Variants in SNTG1 observed in about 807,000 individuals in gnomAD.
SNTG1 encodes gamma-1-syntrophin.
In SNTG1, 39 loss-of-function variants were observed where a neutral mutation model predicts 74.7. That is an observed-to-expected ratio of 0.52 (90% CI 0.40 to 0.68). The LOEUF (loss-of-function observed/expected upper bound fraction) is 0.68. SNTG1 is among the 30% of genes least tolerant of loss of function. The probability of loss-of-function intolerance (pLI) is 0.00; values close to 1 mark genes in which losing one functional copy is unlikely to be tolerated. For synonymous variants in SNTG1, 254 were observed against 217.1 expected (o/e 1.17, Z -1.49); for missense variants, 685 against 609.5 (o/e 1.12, Z -1.30).
At chr8:50,307,368 C>T (rs2089943462) in intron 2 of SNTG1, among the ~76,000 whole-genome samples, 1 of 151,720 alleles carries the variant, frequency 6.6e-6, no homozygotes, top group Non-Finnish European at 1.5e-5. Flanking sequence ...GTATATATTT[C>T]ATTATTATTA....
chr8:50,361,089 A>G (rs952968875), intron 2 of SNTG1, among the ~76,000 whole-genome samples: 1 of 152,154 alleles, frequency 6.6e-6, no homozygotes, highest in East Asian at 1.9e-4. Flanking sequence ...TTTCTTTCAT[A>G]TATCCTTGTT....
At chr8:50,618,413 T>C (rs1358893156) in intron 13 of SNTG1, among the ~76,000 whole-genome samples, 1 of 152,226 alleles carries the variant, frequency 6.6e-6, no homozygotes, top group Non-Finnish European at 1.5e-5. Context: ...TTCTACCATA[T>C]ACTACATTTA....
chr8:50,707,876 C>T, intron 16 of SNTG1: 1 of 390,908 alleles, frequency 2.6e-6, no homozygotes, highest in Non-Finnish European at 4.5e-6. Flanking sequence ...GATTTATATC[C>T]TGTTTTCTTT....
intron 4 of SNTG1, among the ~76,000 whole-genome samples, chr8:50,431,697 G>A (rs1455044012): frequency 6.6e-6 from 1 of 152,122 alleles, no homozygotes; most frequent in Non-Finnish European, 1.5e-5. Context: ...ATTTGGTATT[G>A]TCAGTGTTTT....
rs1441331545 is a variant in SNTG1, at chr8:50,123,948, G to A, written c.-102-48613G>A. 9.9e-5 allele frequency among the ~76,000 whole-genome samples: 14 copies of A among 142,050 alleles called. 1 individual carries two copies. The highest frequency in any genetic ancestry group is 3.6e-4 in the African/African-American group (14 of 39,196). The allele number at this position is 142,050 out of a possible 152,430, so 93.2% of individuals were successfully genotyped here. On this transcript the variant is annotated intron_variant, in intron 1 of 18. Coordinates refer to ENST00000642720, the MANE Select transcript of SNTG1 (RefSeq NM_018967.5). ...AACAAAATTGAATATAAATAATATA[G>A]GGTTTTCAGTGTCTTTTTCTTATTA...
chr8:50,089,427 G>A (rs943236482), intron 1 of SNTG1, among the ~76,000 whole-genome samples: 6 of 150,342 alleles, frequency 4.0e-5, no homozygotes, highest in Non-Finnish European at 7.4e-5. Context: ...AAACTAAAGA[G>A]CTTCTGCATA....
At chr8:50,012,320 T>A (rs1815892838) in intron 1 of SNTG1, among the ~76,000 whole-genome samples, 2 of 152,204 alleles carry the variant, frequency 1.3e-5, no homozygotes, top group Middle Eastern at 3.4e-3. Context: ...ATATCGGGGC[T>A]GTTGTATGTT....
chr8:50,014,346 C>T (rs577292778), intron 1 of SNTG1, among the ~76,000 whole-genome samples: 7 of 152,194 alleles, frequency 4.6e-5, no homozygotes, highest in Admixed American at 2.0e-4. Flanking sequence ...CACATTATTA[C>T]AGAAACAATA....
intron 12 of SNTG1, chr8:50,569,138 T>A (rs1194089356): frequency 6.6e-6 from 1 of 152,208 alleles, no homozygotes; most frequent in Non-Finnish European, 1.5e-5. Context: ...AACTTTCCTA[T>A]CCTCTGTAGT....
chr8:49,949,192 C>A (rs547317292), intron 1 of SNTG1, among the ~76,000 whole-genome samples: 22 of 152,256 alleles, frequency 1.4e-4, no homozygotes, highest in African/African-American at 5.1e-4. Flanking sequence ...GGTGAAGAGA[C>A]CAGTGGGGAT....
chr8:50,690,566 G>A (rs527315056), intron 15 of SNTG1, among the ~76,000 whole-genome samples: 4 of 152,168 alleles, frequency 2.6e-5, no homozygotes. Context: ...TTTTGAGTGA[G>A]TTTCTTAATC....
intron 1 of SNTG1, among the ~76,000 whole-genome samples, chr8:50,157,875 T>C (rs2082301709): frequency 6.6e-6 from 1 of 152,170 alleles, no homozygotes; most frequent in African/African-American, 2.4e-5. Flanking sequence ...CAAACCTAGA[T>C]GGAAGTTAAC....
chr8:50,441,998 A>G (rs2093361953), intron 5 of SNTG1, among the ~76,000 whole-genome samples: 1 of 152,310 alleles, frequency 6.6e-6, no homozygotes, highest in Non-Finnish European at 1.5e-5. Flanking sequence ...AAAAAAAGCA[A>G]AAGTAAAGCC....
chr8:50,758,826 G>A (rs756446023), intron 18 of SNTG1, among the ~76,000 whole-genome samples: 50 of 152,032 alleles, frequency 3.3e-4, no homozygotes, highest in Non-Finnish European at 3.4e-4. Flanking sequence ...ATAACCCTTT[G>A]GGTATATACT....
intron 13 of SNTG1, among the ~76,000 whole-genome samples, chr8:50,629,104 G>T (rs1387053660): frequency 1.3e-5 from 2 of 152,026 alleles, no homozygotes; most frequent in Non-Finnish European, 2.9e-5. Context: ...TGATCAAAGG[G>T]TATAAGCTTT....
chr8:50,507,686 CT>C (rs60545114), intron 9 of SNTG1, among the ~76,000 whole-genome samples: 21,403 of 151,312 alleles, frequency 0.14, 1,649 homozygotes, highest in African/African-American at 0.19. Flanking sequence ...TATTTCATTT[CT>C]TTTTTTTTAA....
chr8:50,691,178 T>C (rs200508581), intron 15 of SNTG1, among the ~76,000 whole-genome samples: 3 of 152,116 alleles, frequency 2.0e-5, no homozygotes, highest in Non-Finnish European at 2.9e-5. Flanking sequence ...ATACAGCACA[T>C]TGGTGGGTCT....
At chr8:50,235,003 T>C (rs2085816952) in intron 2 of SNTG1, among the ~76,000 whole-genome samples, 1 of 152,014 alleles carries the variant, frequency 6.6e-6, no homozygotes, top group Non-Finnish European at 1.5e-5. Flanking sequence ...GAAATTTCAG[T>C]GAAAAGTTAA....
At chr8:50,273,317 A>T (rs532097738) in intron 2 of SNTG1, among the ~76,000 whole-genome samples, 42 of 152,304 alleles carry the variant, frequency 2.8e-4, no homozygotes, top group African/African-American at 9.4e-4. Context: ...GAAAAACACA[A>T]GTTCTGACAG....
Sources: allele counts gnomAD v4.1 joint callset (sites outside exome capture counted in the v4.1 genomes callset), GRCh38; gene constraint gnomAD v4.1.1; transcripts MANE v1.5; gene names NCBI Gene and HGNC (gene_info 2026-07-23, HGNC 2026-07-21).